Variants in GLT1D1 observed in about 807,000 individuals in gnomAD.
GLT1D1 encodes glycosyltransferase 1 domain-containing protein 1.
A neutral mutation model predicts 28.7 loss-of-function variants in GLT1D1; 21 were observed. The ratio of observed to expected loss-of-function variants is 0.73; its 90% CI spans 0.52 to 1.05. The LOEUF is 1.05. Among genes scored for constraint, GLT1D1 ranks in the 50% least tolerant of loss-of-function variants. The pLI is 0.00. For missense variants in GLT1D1, 343 were observed against 330.6 expected (o/e 1.04, Z -0.29); for synonymous variants, 147 against 124.8 (o/e 1.18, Z -1.19).
At chr12:128,965,217 G>A (rs1276287981) in intron 7 of GLT1D1, among the ~76,000 whole-genome samples, 3 of 152,232 alleles carry the variant, frequency 2.0e-5, no homozygotes, top group African/African-American at 7.2e-5. Context: ...AGAGGTCAAG[G>A]ACAGAAGAAT....
In GLT1D1 at chr12:128,897,277, G is replaced by C. The variant is rs551399498; in HGVS notation, c.324-1959G>C. ...TCCTTGTTAATTTTGAAGAGCTCCT[G>C]AGTAAGGATATTATTCCTCTTTTCT... On this transcript the variant is annotated intron_variant, in intron 3 of 7. Transcript: ENST00000281703. Among the ~76,000 whole-genome samples, 5 of 152,226 alleles carry C rather than the reference G, an allele frequency of 3.3e-5. No individual in the cohort carries two copies. In the South Asian group the frequency reaches 8.3e-4, roughly 25 times the overall value.
At chr12:128,872,758 A>G (rs1162242517) in intron 1 of GLT1D1, among the ~76,000 whole-genome samples, 1 of 152,188 alleles carries the variant, frequency 6.6e-6, no homozygotes, top group Non-Finnish European at 1.5e-5. Context: ...GCACGCTCAC[A>G]CTCACACACA....
intron 1 of GLT1D1, among the ~76,000 whole-genome samples, chr12:128,855,254 AAC>A (rs1336508899): frequency 8.0e-5 from 12 of 149,818 alleles, no homozygotes; most frequent in Admixed American, 2.0e-4. Flanking sequence ...CAACAACAAC[AAC>A]AAAAAAAACA....
chr12:128,865,822 G>GAAAAC (rs540297094), intron 1 of GLT1D1, among the ~76,000 whole-genome samples: 3 of 151,384 alleles, frequency 2.0e-5, no homozygotes, highest in African/African-American at 4.9e-5. Context: ...ACTCTGCCAC[G>GAAAAC]AAAACAAAAC....
chr12:128,939,841 C>CCG (rs1555271965), intron 4 of GLT1D1, among the ~76,000 whole-genome samples: 3 of 143,954 alleles, frequency 2.1e-5, no homozygotes, highest in Non-Finnish European at 3.0e-5. Flanking sequence ...TTAGAAACCC[C>CCG]CCCCCACCGC....
intron 4 of GLT1D1, among the ~76,000 whole-genome samples, chr12:128,915,810 G>A (rs944814997): frequency 2.0e-5 from 3 of 152,114 alleles, no homozygotes; most frequent in Admixed American, 6.5e-5. Context: ...ACTCTAACCT[G>A]CCTTCTTTGC....
chr12:128,973,957 G>A (rs1387715496), intron 7 of GLT1D1, among the ~76,000 whole-genome samples: 1 of 146,680 alleles, frequency 6.8e-6, no homozygotes, highest in African/African-American at 2.6e-5. Context: ...GTGTGGGGGG[G>A]GCGCTTGGTG....
chr12:128,881,106 T>C (rs552136631), intron 2 of GLT1D1, among the ~76,000 whole-genome samples: 77 of 150,290 alleles, frequency 5.1e-4, no homozygotes, highest in African/African-American at 1.6e-3. Context: ...CGCCTGTAGT[T>C]CCAGCTACTG....
rs563273265 is a variant in GLT1D1 at position 128,984,703 on chromosome 12, T to G, written c.*1613T>G. The G allele has an allele frequency of 6.6e-6, 1 of 152,444 alleles. No individual in the cohort carries two copies. The highest frequency in any genetic ancestry group is 2.4e-5 in the African/African-American group (1 of 41,552). 9.4% of individuals were successfully genotyped at this position (152,444 alleles called of 1,614,324 possible). A position where few individuals can be genotyped will look rare whatever the true frequency, so the allele number is the denominator to read the frequency against. Reference sequence around the variant, plus strand: ...CCGGGAGAGGATGGCCTGGTCTGAATCTGGAGTAATTAATGCCACCCAAAG... The same window carrying G: ...CCGGGAGAGGATGGCCTGGTCTGAAGCTGGAGTAATTAATGCCACCCAAAG... On this transcript the variant is annotated 3_prime_UTR_variant, in exon 8 of 8. Coordinates refer to ENST00000281703, the MANE Select transcript of GLT1D1 (RefSeq NM_144669.3).
chr12:128,906,041 C>T (rs1566120293), intron 4 of GLT1D1, among the ~76,000 whole-genome samples: 1 of 151,032 alleles, frequency 6.6e-6, no homozygotes, highest in Non-Finnish European at 1.5e-5. Flanking sequence ...GGTCTCACTG[C>T]GTTGCCCAGG....
At chr12:128,974,141 A>G (rs955201515) in intron 7 of GLT1D1, among the ~76,000 whole-genome samples, 1 of 152,060 alleles carries the variant, frequency 6.6e-6, no homozygotes, top group Non-Finnish European at 1.5e-5. Flanking sequence ...GAATAGTCCA[A>G]ATTCCTAGTT....
At chr12:128,891,956 G>A (rs767534075) in intron 3 of GLT1D1, among the ~76,000 whole-genome samples, 12 of 152,178 alleles carry the variant, frequency 7.9e-5, no homozygotes, top group Non-Finnish European at 1.5e-4. Flanking sequence ...GGAGATGTGA[G>A]ACATCAATCA....
At chr12:128,864,271 T>G in intron 1 of GLT1D1, 1 of 532,140 alleles carries the variant, frequency 1.9e-6, no homozygotes, top group South Asian at 2.4e-5. Flanking sequence ...GGGATGAAGT[T>G]TGCTTAGTCC....
chr12:128,877,422 A>G (rs138459486), intron 2 of GLT1D1, among the ~76,000 whole-genome samples: 5 of 152,326 alleles, frequency 3.3e-5, no homozygotes, highest in African/African-American at 9.6e-5. Context: ...TCATTTTTCC[A>G]CACTGTATCA....
intron 2 of GLT1D1, among the ~76,000 whole-genome samples, chr12:128,879,434 C>A (rs1203914625): frequency 9.8e-6 from 1 of 102,318 alleles, no homozygotes; most frequent in Non-Finnish European, 1.9e-5. Context: ...TTCTTTCTTT[C>A]TTTCTTTCTT....
intron 1 of GLT1D1, among the ~76,000 whole-genome samples, chr12:128,859,371 C>A (rs1003534307): frequency 1.3e-5 from 2 of 152,166 alleles, no homozygotes; most frequent in African/African-American, 4.8e-5. Flanking sequence ...TGTAGATCAG[C>A]GACTCTGCCT....
intron 6 of GLT1D1, among the ~76,000 whole-genome samples, chr12:128,954,193 G>A (rs924615752): frequency 2.7e-4 from 41 of 150,792 alleles, no homozygotes; most frequent in African/African-American, 9.5e-4. Flanking sequence ...GCGCGATCTC[G>A]GCTCACTGCA....
chr12:128,861,100 A>T (rs895109742), intron 1 of GLT1D1, among the ~76,000 whole-genome samples: 6 of 152,138 alleles, frequency 3.9e-5, no homozygotes, highest in Admixed American at 2.0e-4. Flanking sequence ...ATGCTAAAAC[A>T]GGAGGCTAGT....
intron 1 of GLT1D1, among the ~76,000 whole-genome samples, chr12:128,873,095 C>T (rs1956740666): frequency 6.6e-6 from 1 of 152,064 alleles, no homozygotes; most frequent in Non-Finnish European, 1.5e-5. Context: ...AGAGTTTCAT[C>T]ATGTTGTCTA....
Sources: gnomAD v4.1 joint callset for allele counts (sites outside exome capture counted in the v4.1 genomes callset) on GRCh38, gnomAD v4.1.1 for gene constraint, MANE v1.5 for transcripts, NCBI Gene and HGNC (gene_info 2026-07-23, HGNC 2026-07-21) for gene names.